DNAH11: variants seen among roughly 807,000 people sequenced by gnomAD.
The protein encoded by DNAH11 is dynein axonemal heavy chain 11, also known as axonemal beta dynein heavy chain 11.
DNAH11 carries 442 observed loss-of-function variants against 526.0 expected under a neutral mutation model. The observed-to-expected ratio is 0.84, with a 90% CI of 0.78 to 0.91. The LOEUF (loss-of-function observed/expected upper bound fraction) is 0.91. Ranked by LOEUF, DNAH11 falls within the 40% of genes least tolerant of loss-of-function variation. The probability of loss-of-function intolerance (pLI) is 0.00; values close to 1 mark genes in which losing one functional copy is unlikely to be tolerated. For missense variants in DNAH11, 6,989 were observed against 5,448.7 expected (o/e 1.28, Z -8.90); for synonymous variants, 2,461 against 1,935.9 (o/e 1.27, Z -7.12).
intron 74 of DNAH11, among the ~76,000 whole-genome samples, chr7:21,874,051 AAAGTGCTGGGATTACAGAC>A (rs1380014237): frequency 2.6e-5 from 4 of 151,988 alleles, no homozygotes; most frequent in South Asian, 2.1e-4. Flanking sequence ...TCGGCCTCCC[AAAGTGCTGGGATTACAGAC>A]ATGAGCCACC....
intron 57 of DNAH11, among the ~76,000 whole-genome samples, chr7:21,779,659 A>G (rs538144295): frequency 5.9e-5 from 9 of 152,004 alleles, no homozygotes; most frequent in African/African-American, 9.7e-5. Context: ...CTTTCTTTCT[A>G]CTCAGGTTTC....
rs755518744 is a variant in DNAH11 at position 21,725,884 on chromosome 7, G to A, written c.7340G>A (p.Gly2447Glu). 5.0e-6 allele frequency: 8 copies of A among 1,606,872 alleles called. No homozygotes were observed. The highest frequency in any genetic ancestry group is 6.8e-6 in the Non-Finnish European group (8 of 1,176,364). ...AAAGCAGTGAAATTTCCGTCGCAGGGAACAATCTTTGATTATTATGTGGAC... is the reference window on the plus strand; with the variant it reads ...AAAGCAGTGAAATTTCCGTCGCAGGAAACAATCTTTGATTATTATGTGGAC... Reference protein sequence around the residue: ...EMKAVKFPSQGTIFDYYVDHK... With the variant: ...EMKAVKFPSQETIFDYYVDHK... The change falls in exon 45 of 82, where the codon GGA becomes GAA. Residue 2447 changes from glycine (G) to glutamate (E), a missense_variant. Physicochemically the swap from Gly to Glu is moderately conservative, Grantham distance 98. Coordinates refer to ENST00000409508, the MANE Select transcript of DNAH11 (RefSeq NM_001277115.2).
chr7:21,693,146 A>G (rs1783700234), intron 35 of DNAH11, among the ~76,000 whole-genome samples: 2 of 152,242 alleles, frequency 1.3e-5, no homozygotes, highest in South Asian at 4.1e-4. Context: ...ATCCTATTCA[A>G]GAAAATTTGC....
intron 18 of DNAH11, among the ~76,000 whole-genome samples, chr7:21,606,077 A>G (rs1785267475): frequency 6.6e-6 from 1 of 152,182 alleles, no homozygotes. Context: ...TAATCCCAGC[A>G]CTTTGGGAGC....
intron 62 of DNAH11, among the ~76,000 whole-genome samples, chr7:21,802,078 A>C (rs531906147): frequency 5.9e-5 from 9 of 152,216 alleles, no homozygotes; most frequent in Admixed American, 6.5e-5. Flanking sequence ...CGTTTCCCTT[A>C]CAAGGTTGTG....
At position 21,564,336 on chromosome 7, in the gene DNAH11, A is replaced by G. The variant is rs375636554; in HGVS notation, c.1133A>G (p.Tyr378Cys). 3.7e-6 allele frequency: 6 copies of G among 1,613,562 alleles called. No individual in the cohort carries two copies. Among genetic ancestry groups the G allele is most frequent in the Admixed American group, 1.7e-5 (1 of 59,936 alleles). Residue 378 changes from tyrosine (Y) to cysteine (C), a missense_variant, in exon 6 of 82, where the codon TAT becomes TGT. By Grantham distance (194) the Tyr-to-Cys change is radical. Coordinates refer to ENST00000409508, the MANE Select transcript of DNAH11 (RefSeq NM_001277115.2). ...ICLIWSHSKF[Y>C]NTPARVIVLL... is the part of the protein sequence containing the mutation. ...CTGATCTGGAGTCATTCCAAGTTTT[A>G]TAACACCCCAGCTCGGGTTATAGTT...
At chr7:21,685,336 G>A (rs907861853) in intron 32 of DNAH11, among the ~76,000 whole-genome samples, 2 of 152,138 alleles carry the variant, frequency 1.3e-5, no homozygotes, top group African/African-American at 4.8e-5. Context: ...AAGGGAAGAG[G>A]CATTTTAAAG....
chr7:21,601,745 T>A (rs1785101405), intron 18 of DNAH11, 127 bp downstream of exon 18: 1 of 657,736 alleles, frequency 1.5e-6, no homozygotes, highest in African/African-American at 1.9e-5. Context: ...ATGTTTTCAA[T>A]TTACAGGTTA....
intron 62 of DNAH11, among the ~76,000 whole-genome samples, chr7:21,805,550 AT>A (rs1157553669): frequency 2.6e-5 from 4 of 152,166 alleles, no homozygotes; most frequent in African/African-American, 9.7e-5. Flanking sequence ...AACTACTTCC[AT>A]TTAAAGTAGC....
chr7:21,543,396 C>T lies in DNAH11; in HGVS notation c.151C>T (p.Arg51Trp). 1.3e-6 allele frequency: 2 copies of T among 1,552,708 alleles called. No individual in the cohort carries two copies. The highest frequency in any genetic ancestry group is 8.7e-7 in the Non-Finnish European group (1 of 1,147,450). Residue 51 changes from arginine to tryptophan, a missense_variant, in exon 1 of 82, where the codon CGG becomes TGG. Coordinates refer to ENST00000409508, the MANE Select transcript of DNAH11 (RefSeq NM_001277115.2). ...NEEEAAARRA[R>W]SFAQDARVRF... Reference sequence around the variant, plus strand: ...GGAGGAGGCGGCGGCCAGGAGAGCGCGGAGTTTCGCCCAAGACGCGCGGGT... The same window carrying T: ...GGAGGAGGCGGCGGCCAGGAGAGCGTGGAGTTTCGCCCAAGACGCGCGGGT...
At chr7:21,651,856 CAG>C (rs1223593105) in intron 28 of DNAH11, among the ~76,000 whole-genome samples, 3 of 152,212 alleles carry the variant, frequency 2.0e-5, no homozygotes, top group Admixed American at 2.0e-4. Flanking sequence ...GCCTAAGTAA[CAG>C]ATGTGCATCA....
chr7:21,659,264 T>C (rs1179184583), intron 30 of DNAH11, among the ~76,000 whole-genome samples: 1 of 148,894 alleles, frequency 6.7e-6, no homozygotes, highest in Non-Finnish European at 1.5e-5. Flanking sequence ...GGCTCTAGGA[T>C]AGCACTCATA....
At chr7:21,548,016 A>C (rs1007374894) in intron 2 of DNAH11, among the ~76,000 whole-genome samples, 2 of 151,992 alleles carry the variant, frequency 1.3e-5, no homozygotes, top group African/African-American at 2.4e-5. Context: ...TGCTGTTAAG[A>C]CTCCTGCCAC....
chr7:21,695,092 G>A (rs1783793731), intron 35 of DNAH11, among the ~76,000 whole-genome samples: 1 of 152,166 alleles, frequency 6.6e-6, no homozygotes, highest in Non-Finnish European at 1.5e-5. Context: ...GGAAATAAGA[G>A]AGGACACAAA....
chr7:21,599,757 A>C (rs372566913), intron 14 of DNAH11, 30 bp from the exon 15 acceptor site: 392 of 1,430,770 alleles, frequency 2.7e-4, no homozygotes, highest in Non-Finnish European at 3.2e-4. Context: ...ATTTGTTTAT[A>C]TTCATCCACT....
At chr7:21,654,679 G>A (rs1347285604) in intron 28 of DNAH11, among the ~76,000 whole-genome samples, 2 of 152,114 alleles carry the variant, frequency 1.3e-5, no homozygotes, top group Non-Finnish European at 2.9e-5. Context: ...CCACTTAGCG[G>A]CTTTTATTTG....
intron 75 of DNAH11, 142 bp from the exon 76 acceptor site, chr7:21,884,149 A>T (rs560914255): frequency 2.1e-5 from 13 of 618,984 alleles, no homozygotes; most frequent in Non-Finnish European, 3.2e-5. Flanking sequence ...GCAGAAACTT[A>T]GACAATTTCT....
chr7:21,622,329 G>T (rs1360829992), intron 25 of DNAH11, among the ~76,000 whole-genome samples: 1 of 152,074 alleles, frequency 6.6e-6, no homozygotes, highest in East Asian at 1.9e-4. Context: ...AGGATACAAA[G>T]AAATGGAAGA....
chr7:21,838,105 TCC>T (rs1782063445), intron 65 of DNAH11, among the ~76,000 whole-genome samples: 1 of 152,198 alleles, frequency 6.6e-6, no homozygotes, highest in South Asian at 2.1e-4. Context: ...ATTTTGGAAA[TCC>T]TTGGAAAGAG....
Sources: allele counts gnomAD v4.1 joint callset (sites outside exome capture counted in the v4.1 genomes callset), GRCh38; gene constraint gnomAD v4.1.1; transcripts MANE v1.5; gene names NCBI Gene and HGNC (gene_info 2026-07-23, HGNC 2026-07-21).